The following YPEL2 variants were observed in gnomAD, a reference collection of about 807,000 sequenced individuals.
YPEL2 encodes the protein protein yippee-like 2.
In YPEL2, 2 loss-of-function variants were observed where a neutral mutation model predicts 19.1. The ratio of observed to expected loss-of-function variants is 0.10; its 90% CI spans 0.04 to 0.33. The LOEUF (loss-of-function observed/expected upper bound fraction) is 0.33, where lower values mean the gene tolerates loss of function less well. YPEL2 is among the 10% of genes least tolerant of loss of function. The pLI is 1.00. For synonymous variants in YPEL2, 52 were observed against 50.0 expected, an observed-to-expected ratio of 1.04 and a Z score of -0.17; for missense variants, 66 against 140.7, an observed-to-expected ratio of 0.47 and a Z score of 2.68.
intron 2 of YPEL2, among the ~76,000 whole-genome samples, chr17:59,368,698 G>T (rs1439285004): frequency 6.6e-6 from 1 of 152,162 alleles, no homozygotes; most frequent in Non-Finnish European, 1.5e-5. Context: ...ATCATGCAAG[G>T]CCTAGAAGGC....
intron 2 of YPEL2, among the ~76,000 whole-genome samples, chr17:59,385,803 C>G (rs1229706607): frequency 6.6e-6 from 1 of 152,064 alleles, no homozygotes; most frequent in Non-Finnish European, 1.5e-5. Flanking sequence ...TATTATGTCA[C>G]TTATAGTTCA....
At position 59,386,162 on chromosome 17, in the gene YPEL2, ATTTT is replaced by A. The variant is rs11287938; in HGVS notation, c.118-2155_118-2152del. 4.0e-5 allele frequency among the ~76,000 whole-genome samples: 6 copies of A among 148,720 alleles called. No individual in the cohort carries two copies. The East Asian group carries it at 1.2e-3, about 29-fold the overall frequency. Reference sequence around the variant, plus strand: ...ACATGGCAAGACCCTGTCTCTATAAATTTTTTTTTTTTTAAATAGCTGGTTATGG... The same window carrying A: ...ACATGGCAAGACCCTGTCTCTATAAATTTTTTTTTAAATAGCTGGTTATGG... On this transcript the variant is annotated intron_variant, in intron 2 of 4. Coordinates refer to ENST00000312655, the MANE Select transcript of YPEL2 (RefSeq NM_001005404.4).
At chr17:59,334,199 G>A (rs2047686706) in intron 1 of YPEL2, among the ~76,000 whole-genome samples, 1 of 152,142 alleles carries the variant, frequency 6.6e-6, no homozygotes, top group Non-Finnish European at 1.5e-5. Flanking sequence ...TGCGTGAGTT[G>A]CTGTGCTGTT....
intron 4 of YPEL2, among the ~76,000 whole-genome samples, chr17:59,390,192 G>A (rs921304389): frequency 6.6e-5 from 10 of 152,102 alleles, no homozygotes; most frequent in African/African-American, 2.4e-4. Context: ...AGTAGAGACA[G>A]GATTTCACCA....
intron 4 of YPEL2, among the ~76,000 whole-genome samples, chr17:59,392,701 A>G (rs1385744269): frequency 6.6e-6 from 1 of 151,780 alleles, no homozygotes; most frequent in Non-Finnish European, 1.5e-5. Context: ...TTTAGTAGAG[A>G]CGGGGTTTCA....
At chr17:59,332,139 G>A (rs2047673956) in intron 1 of YPEL2, among the ~76,000 whole-genome samples, 1 of 152,128 alleles carries the variant, frequency 6.6e-6, no homozygotes, top group South Asian at 2.1e-4. Flanking sequence ...TGCGGGGCCA[G>A]GTTTGGGGCG....
intron 1 of YPEL2, among the ~76,000 whole-genome samples, chr17:59,332,849 C>G (rs2147930474): frequency 6.6e-6 from 1 of 152,318 alleles, no homozygotes; most frequent in South Asian, 2.1e-4. Flanking sequence ...GGCCTCCTTG[C>G]TGATTTGCTG....
At chr17:59,357,817 T>C (rs2147942148) in intron 2 of YPEL2, among the ~76,000 whole-genome samples, 1 of 152,226 alleles carries the variant, frequency 6.6e-6, no homozygotes, top group East Asian at 1.9e-4. Context: ...ATAAATTGGA[T>C]TAATCTATCA....
intron 2 of YPEL2, among the ~76,000 whole-genome samples, chr17:59,372,787 C>A (rs1167315480): frequency 6.6e-6 from 1 of 152,228 alleles, no homozygotes; most frequent in Non-Finnish European, 1.5e-5. Flanking sequence ...TTTCCTCATA[C>A]CCAAGGTGGT....
chr17:59,360,178 G>A (rs1044946179), intron 2 of YPEL2, among the ~76,000 whole-genome samples: 3 of 152,202 alleles, frequency 2.0e-5, no homozygotes, highest in Non-Finnish European at 2.9e-5. Context: ...CCGGGTTCAC[G>A]CCATTCTCCT....
intron 1 of YPEL2, among the ~76,000 whole-genome samples, chr17:59,337,819 A>C (rs964289652): frequency 6.6e-5 from 10 of 152,246 alleles, no homozygotes; most frequent in South Asian, 2.1e-4. Flanking sequence ...AGGTTCAAAC[A>C]GACAAAAAGG....
chr17:59,397,014 G>A, intron 4 of YPEL2, 87 bp from the exon 5 acceptor site: 1 of 974,984 alleles, frequency 1.0e-6, no homozygotes, highest in Non-Finnish European at 1.5e-6. Context: ...CTGGGTGACA[G>A]AGTGAGACTG....
chr17:59,397,245 T>G lies in YPEL2; in HGVS notation c.*55T>G. 2 of 1,410,192 alleles carry G rather than the reference T, an allele frequency of 1.4e-6. No individual in the cohort carries two copies. The highest frequency in any genetic ancestry group is 1.4e-5 in the South Asian group (1 of 73,392). 87.4% of individuals were successfully genotyped at this position (1,410,192 alleles called of 1,614,324 possible). A position where few individuals can be genotyped will look rare whatever the true frequency, so the allele number is the denominator to read the frequency against. ...ACGTGAACGCCATTCAACCGAACAT[T>G]CTTCCCAAGCGTGAGAGAGTGACTG... On this transcript the variant is annotated 3_prime_UTR_variant, in exon 5 of 5. Transcript: ENST00000312655.
intron 2 of YPEL2, among the ~76,000 whole-genome samples, chr17:59,368,120 G>T (rs773184658): frequency 6.6e-6 from 1 of 151,930 alleles, no homozygotes; most frequent in African/African-American, 2.4e-5. Context: ...GTCTCACTCT[G>T]TTGCCCAGGC....
intron 2 of YPEL2, among the ~76,000 whole-genome samples, chr17:59,383,743 T>C (rs2047966207): frequency 6.7e-6 from 1 of 148,820 alleles, no homozygotes; most frequent in South Asian, 2.1e-4. Context: ...TCCATATCTC[T>C]TACTAACTCT....
intron 4 of YPEL2, among the ~76,000 whole-genome samples, chr17:59,394,969 A>T (rs1016384724): frequency 4.6e-5 from 7 of 152,220 alleles, no homozygotes; most frequent in Non-Finnish European, 1.0e-4. Context: ...CGCGCCTGCA[A>T]TCGCAGGCAC....
intron 2 of YPEL2, among the ~76,000 whole-genome samples, chr17:59,380,517 TC>T (rs2047943885): frequency 6.6e-6 from 1 of 152,020 alleles, no homozygotes; most frequent in Admixed American, 6.6e-5. Context: ...TGATCTGCCC[TC>T]CTTGGCCTCC....
Position 59,399,941 on chromosome 17 carries a change from A to T in YPEL2, c.*2751A>T, listed in dbSNP as rs1429254949. ...AGTAGAGACAGGGTAAGGGGACGTG[A>T]GAAAGGAAAAGGCATGAAGTTCTAT... On this transcript the variant is annotated 3_prime_UTR_variant, in exon 5 of 5. Transcript: ENST00000312655. 6.6e-6 allele frequency: 1 copy of T among 152,590 alleles called. No homozygotes were observed. Among genetic ancestry groups the T allele is most frequent in the African/African-American group, 2.4e-5 (1 of 41,426 alleles). 9.5% of individuals were successfully genotyped at this position (152,590 alleles called of 1,614,324 possible). A position where few individuals can be genotyped will look rare whatever the true frequency, so the allele number is the denominator to read the frequency against.
At chr17:59,383,424 C>T (rs892451183) in intron 2 of YPEL2, among the ~76,000 whole-genome samples, 6 of 150,208 alleles carry the variant, frequency 4.0e-5, no homozygotes, top group African/African-American at 1.5e-4. Context: ...CGGTGAAACC[C>T]CGTGTCCACT....
Sources: gnomAD v4.1 joint callset for allele counts (sites outside exome capture counted in the v4.1 genomes callset) on GRCh38, gnomAD v4.1.1 for gene constraint, MANE v1.5 for transcripts, NCBI Gene and HGNC (gene_info 2026-07-23, HGNC 2026-07-21) for gene names.